Variants in CHL1 observed in about 807,000 individuals in gnomAD.
The protein encoded by CHL1 is neural cell adhesion molecule L1-like protein.
CHL1 carries 96 observed loss-of-function variants against 141.9 expected under a neutral mutation model. That is an observed-to-expected ratio of 0.68 (90% confidence interval 0.57 to 0.80). The LOEUF (loss-of-function observed/expected upper bound fraction) is 0.80, where lower values mean the gene tolerates loss of function less well. CHL1 is among the 30% of genes least tolerant of loss of function. CHL1 has a pLI of 0.00. For missense variants in CHL1, 1,820 were observed against 1,457.2 expected (o/e 1.25, Z -4.05); for synonymous variants, 613 against 502.2 (o/e 1.22, Z -2.95).
chr3:231,108 T>A (rs758951007), intron 1 of CHL1, among the ~76,000 whole-genome samples: 8 of 152,202 alleles, frequency 5.3e-5, no homozygotes, highest in Non-Finnish European at 1.0e-4. Flanking sequence ...GAATTTTATA[T>A]GTTACTTTAT....
At chr3:325,532 G>A (rs1306541866) in intron 3 of CHL1, among the ~76,000 whole-genome samples, 1 of 152,016 alleles carries the variant, frequency 6.6e-6, no homozygotes, top group Non-Finnish European at 1.5e-5. Context: ...AAGAAATAAT[G>A]TAAAAGCAGT....
At chr3:342,633 C>T (rs1043677003) in intron 7 of CHL1, among the ~76,000 whole-genome samples, 1 of 152,134 alleles carries the variant, frequency 6.6e-6, no homozygotes, top group Non-Finnish European at 1.5e-5. Flanking sequence ...GAATAATTGG[C>T]CCTGGTATAG....
intron 15 of CHL1, among the ~76,000 whole-genome samples, chr3:372,644 G>A (rs527568676): frequency 7.1e-4 from 108 of 152,132 alleles, no homozygotes; most frequent in Middle Eastern, 3.4e-3. Context: ...CCAGTTCTGC[G>A]CCCTTGGTGG....
chr3:385,451 C>G (rs973891170), intron 19 of CHL1, among the ~76,000 whole-genome samples: 1 of 152,196 alleles, frequency 6.6e-6, no homozygotes, highest in Non-Finnish European at 1.5e-5. Context: ...CTGCTCCTCT[C>G]ACTCATAAGT....
chr3:205,525 G>T (rs1699352778), intron 1 of CHL1, among the ~76,000 whole-genome samples: 1 of 152,200 alleles, frequency 6.6e-6, no homozygotes, highest in Non-Finnish European at 1.5e-5. Flanking sequence ...GGGAAAAATT[G>T]AAAATGTTAC....
intron 16 of CHL1, 92 bp downstream of exon 16, chr3:378,034 G>T: frequency 1.8e-6 from 2 of 1,130,092 alleles, no homozygotes; most frequent in Non-Finnish European, 2.4e-6. Flanking sequence ...GATTCTTTGA[G>T]CCCCTGCACA....
chr3:242,974 T>C (rs1050715051), intron 1 of CHL1, among the ~76,000 whole-genome samples: 5 of 152,228 alleles, frequency 3.3e-5, no homozygotes, highest in African/African-American at 9.6e-5. Flanking sequence ...TGGGGACCCA[T>C]TGGGAAGAGC....
intron 2 of CHL1, among the ~76,000 whole-genome samples, chr3:305,700 T>C (rs999095854): frequency 3.3e-5 from 5 of 151,160 alleles, no homozygotes; most frequent in African/African-American, 1.2e-4. Flanking sequence ...AATATAAATG[T>C]ACATATAAAT....
chr3:295,584 C>A (rs1005540485), intron 2 of CHL1, among the ~76,000 whole-genome samples: 1 of 152,128 alleles, frequency 6.6e-6, no homozygotes, highest in African/African-American at 2.4e-5. Context: ...TGTTCTTAGT[C>A]ATCCATCTCT....
chr3:365,918 T>C (rs1314548950), intron 14 of CHL1, 32 bp from the exon 15 acceptor site: 5 of 1,588,040 alleles, frequency 3.1e-6, no homozygotes, highest in African/African-American at 1.3e-5. Context: ...TTACGCTTAG[T>C]TCTAACTAAT....
In CHL1 at chr3:349,418, C is replaced by T. The variant is rs1279409751; in HGVS notation, c.908C>T (p.Thr303Ile). 6.2e-7 allele frequency: 1 copy of T among 1,613,830 alleles called. No homozygotes were observed. Among genetic ancestry groups the T allele is most frequent in the Admixed American group, 1.7e-5 (1 of 59,996 alleles). The change falls in exon 10 of 28, where the codon ACA becomes ATA. Residue 303 changes from threonine to isoleucine, a missense_variant. Coordinates refer to ENST00000256509, the MANE Select transcript of CHL1 (RefSeq NM_006614.4). The stretch of plus-strand genomic sequence containing the variant: ...GGTGACTTACCAAAGGGGAGAGAAA[C>T]AAAAGAAAATTATGGCAAGACTTTG... ...IGGDLPKGRETKENYGKTLKI... is the reference protein window; with the variant it reads ...IGGDLPKGREIKENYGKTLKI...
chr3:336,990 C>A (rs1701915622), intron 5 of CHL1, among the ~76,000 whole-genome samples: 1 of 152,130 alleles, frequency 6.6e-6, no homozygotes, highest in African/African-American at 2.4e-5. Context: ...CACTTATACC[C>A]TTGGTGTTAG....
chr3:217,616 G>C (rs1279895562), intron 1 of CHL1: 1 of 152,452 alleles, frequency 6.6e-6, no homozygotes, highest in African/African-American at 2.4e-5. Context: ...AGGCGGTGTG[G>C]AGGAATCAAT....
intron 2 of CHL1, among the ~76,000 whole-genome samples, chr3:246,182 A>G (rs1388195136): frequency 1.3e-5 from 2 of 152,092 alleles, no homozygotes; most frequent in Non-Finnish European, 2.9e-5. Flanking sequence ...ACAAAATACA[A>G]TACCCAGGGT....
chr3:375,999 A>G (rs1422849166), intron 15 of CHL1, among the ~76,000 whole-genome samples: 1 of 152,174 alleles, frequency 6.6e-6, no homozygotes, highest in African/African-American at 2.4e-5. Flanking sequence ...GAGTGGTTTT[A>G]GTGGATAGAT....
chr3:286,483 C>T (rs1446855798), intron 2 of CHL1, among the ~76,000 whole-genome samples: 3 of 151,774 alleles, frequency 2.0e-5, no homozygotes, highest in Non-Finnish European at 4.4e-5. Flanking sequence ...TGGTGACGCA[C>T]CCCTGTAATC....
intron 2 of CHL1, among the ~76,000 whole-genome samples, chr3:276,929 C>T (rs1186293543): frequency 3.4e-5 from 5 of 149,242 alleles, no homozygotes; most frequent in East Asian, 2.0e-4. Flanking sequence ...GTATGGGCTC[C>T]GGGCCAGATT....
Position 377,814 on chromosome 3 carries a change from A to T in CHL1, c.1752-4A>T. On this transcript the variant is annotated splice_polypyrimidine_tract_variant and splice_region_variant and intron_variant, in intron 15 of 27. Transcript: ENST00000256509. ...TCATCATGTACTCACTTTTTTTCTG[A>T]TAGGATAATTATTGATGGAGCTAAT... The T allele has an allele frequency of 1.3e-6, 2 of 1,595,558 alleles. No homozygotes were observed. Among genetic ancestry groups the T allele is most frequent in the Non-Finnish European group, 1.7e-6 (2 of 1,170,686 alleles).
At position 391,141 on chromosome 3, in the gene CHL1, T is replaced by G. The variant is rs749452271; in HGVS notation, c.2773T>G (p.Phe925Val). ...TGGTCCTGAAAGTGAGCCTTATATA[T>G]TTCAAACACCAGAAGGAGGTGAGAG... is the stretch of plus-strand genomic sequence containing the variant. ...GAGPESEPYI[F>V]QTPEGVPEQP... is the part of the protein sequence containing the mutation. Residue 925 changes from phenylalanine (F) to valine (V), a missense_variant, in exon 22 of 28, where the codon TTT (phenylalanine) becomes GTT (valine). Physicochemically the swap from Phe to Val is conservative, Grantham distance 50 (BLOSUM62 -1). Coordinates refer to ENST00000256509, the MANE Select transcript of CHL1 (RefSeq NM_006614.4). The G allele has an allele frequency of 5.6e-6, 9 of 1,611,742 alleles. No homozygotes were observed. Among genetic ancestry groups the G allele is most frequent in the Non-Finnish European group, 7.6e-6 (9 of 1,178,020 alleles).
Sources: gnomAD v4.1 joint callset for allele counts (sites outside exome capture counted in the v4.1 genomes callset) on GRCh38, gnomAD v4.1.1 for gene constraint, MANE v1.5 for transcripts, NCBI Gene and HGNC (gene_info 2026-07-23, HGNC 2026-07-21) for gene names.